The following ZNF69 variants were observed in gnomAD, a reference collection of about 807,000 sequenced individuals.
ZNF69 encodes zinc finger protein 69.
A neutral mutation model predicts 50.9 loss-of-function variants in ZNF69; 47 were observed. The observed-to-expected ratio is 0.92, with a 90% CI of 0.73 to 1.18. The LOEUF (loss-of-function observed/expected upper bound fraction) is 1.18, where lower values mean the gene tolerates loss of function less well. Ranked by LOEUF, ZNF69 falls within the 50% of genes most tolerant of loss-of-function variation. The pLI, the probability that ZNF69 is intolerant of heterozygous loss-of-function variation, is 0.00. For synonymous variants in ZNF69, 216 were observed against 223.1 expected (o/e 0.97, Z 0.29); for missense variants, 717 against 675.1 (o/e 1.06, Z -0.69).
intron 1 of ZNF69, among the ~76,000 whole-genome samples, chr19:11,889,768 G>T (rs1977037806): frequency 6.6e-6 from 1 of 152,322 alleles, no homozygotes; most frequent in Non-Finnish European, 1.5e-5. Flanking sequence ...CTGCACCGGC[G>T]CTGGTCTCTG....
intron 1 of ZNF69, among the ~76,000 whole-genome samples, chr19:11,888,333 C>T (rs537348614): frequency 3.9e-5 from 6 of 152,344 alleles, no homozygotes; most frequent in South Asian, 2.1e-4. Context: ...GGAGGAGCAG[C>T]GGTCTGTGGG....
At chr19:11,948,600 A>G in the ZNF69 span, 1 of 1,609,140 alleles carries the variant, frequency 6.2e-7, no homozygotes, top group East Asian at 2.2e-5. Flanking sequence ...CTGGAGAGAA[A>G]CCCTATGCTT....
At chr19:11,919,609 T>C in the ZNF69 span, among the ~76,000 whole-genome samples, 173 of 152,126 alleles carry the variant, frequency 1.1e-3, 1 homozygote, top group African/African-American at 4.0e-3. Context: ...AAACTTATAC[T>C]TGCAAGCCCT....
At chr19:11,974,117 CTTTCTTTCTTT>C in the ZNF69 span, among the ~76,000 whole-genome samples, 1 of 79,636 alleles carries the variant, frequency 1.3e-5, no homozygotes, top group South Asian at 4.5e-4. Context: ...TTCTTTCTTT[CTTTCTTTCTTT>C]TCTTTCTTTC....
the ZNF69 span, chr19:11,926,541 A>C: frequency 6.5e-6 from 1 of 152,788 alleles, no homozygotes; most frequent in Admixed American, 6.5e-5. Context: ...GGCATGCACC[A>C]CTATGCCCTC....
At chr19:11,979,856 A>G in the ZNF69 span, 4 of 1,501,592 alleles carry the variant, frequency 2.7e-6, no homozygotes, top group Middle Eastern at 1.7e-4. Context: ...TCATGAAAGG[A>G]CACAAACACA....
chr19:11,968,674 G>A, the ZNF69 span, among the ~76,000 whole-genome samples: 1 of 152,130 alleles, frequency 6.6e-6, no homozygotes, highest in Non-Finnish European at 1.5e-5. Flanking sequence ...TGATAGCCAT[G>A]GAGTCTTTGT....
chr19:11,951,177 T>G, the ZNF69 span, among the ~76,000 whole-genome samples: 3 of 148,652 alleles, frequency 2.0e-5, no homozygotes, highest in Non-Finnish European at 3.0e-5. Flanking sequence ...AAGAAAGAAA[T>G]TTTACTTTTC....
At chr19:11,952,204 T>C in the ZNF69 span, among the ~76,000 whole-genome samples, 45 of 152,278 alleles carry the variant, frequency 3.0e-4, no homozygotes, top group East Asian at 7.3e-3. Flanking sequence ...GGCCTTGTGA[T>C]GAGGGGAGGT....
downstream of ZNF69, among the ~76,000 whole-genome samples, chr19:11,918,239 T>C (rs1333358503): frequency 6.6e-6 from 1 of 152,228 alleles, no homozygotes; most frequent in African/African-American, 2.4e-5. Context: ...GAATGTAACT[T>C]ATGAATTAAC....
At chr19:11,947,459 A>AT in the ZNF69 span, 5 of 1,602,514 alleles carry the variant, frequency 3.1e-6, no homozygotes, top group Non-Finnish European at 4.3e-6. Context: ...GAATCTAATA[A>AT]TTTTTTCACA....
At chr19:11,975,837 T>G in the ZNF69 span, among the ~76,000 whole-genome samples, 3 of 152,080 alleles carry the variant, frequency 2.0e-5, no homozygotes, top group African/African-American at 7.2e-5. Flanking sequence ...AAATCTATGC[T>G]TATTACACCT....
the ZNF69 span, chr19:11,950,351 G>A: frequency 1.2e-5 from 15 of 1,277,186 alleles, no homozygotes; most frequent in Middle Eastern, 3.8e-4. Context: ...AGTTCTTTTC[G>A]ATATCATGAA....
chr19:11,947,330 C>G, the ZNF69 span: 1 of 1,612,934 alleles, frequency 6.2e-7, no homozygotes, highest in African/African-American at 1.3e-5. Context: ...ATATTCCTTC[C>G]GTCAGTGCAT....
the ZNF69 span, chr19:11,925,134 G>T: frequency 6.4e-7 from 1 of 1,566,460 alleles, no homozygotes; most frequent in South Asian, 1.1e-5. Flanking sequence ...CGCGGGCGGC[G>T]GTTGGTAACC....
At chr19:11,936,992 G>A in the ZNF69 span, among the ~76,000 whole-genome samples, 1 of 152,134 alleles carries the variant, frequency 6.6e-6, no homozygotes, top group African/African-American at 2.4e-5. Flanking sequence ...AAGATCAGAT[G>A]GTTGTATATG....
At chr19:11,895,606 AGAAATATAT>A (rs1369136504) in intron 1 of ZNF69, among the ~76,000 whole-genome samples, 4 of 152,196 alleles carry the variant, frequency 2.6e-5, no homozygotes, top group South Asian at 2.1e-4. Flanking sequence ...CAGTCGTGTA[AGAAATATAT>A]GTGAGTTGAC....
At chr19:11,896,801 G>A (rs985167184) in intron 1 of ZNF69, among the ~76,000 whole-genome samples, 6 of 151,708 alleles carry the variant, frequency 4.0e-5, no homozygotes, top group Non-Finnish European at 8.8e-5. Context: ...CTTGTATTTC[G>A]GTTTTTAGAA....
chr19:11,905,845 G>T lies in ZNF69; in HGVS notation c.1448G>T (p.Cys483Phe). Residue 483 changes from cysteine (C) to phenylalanine (F), a missense_variant, in exon 4 of 4, where the codon TGT (cysteine) becomes TTT (phenylalanine). Cys to Phe is a radical substitution (Grantham distance 205). Transcript: ENST00000429654. ...SGERPYKCKL[C>F]GKGFYCPKSL... ...GAAAGACCTTATAAATGTAAGCTAT[G>T]TGGGAAAGGCTTTTATTGTCCCAAA... 6.2e-7 allele frequency: 1 copy of T among 1,614,068 alleles called. No individual in the cohort carries two copies. Among genetic ancestry groups the T allele is most frequent in the Non-Finnish European group, 8.5e-7 (1 of 1,180,026 alleles).
Sources: gnomAD v4.1 joint callset for allele counts (sites outside exome capture counted in the v4.1 genomes callset) on GRCh38, gnomAD v4.1.1 for gene constraint, MANE v1.5 for transcripts, NCBI Gene and HGNC (gene_info 2026-07-23, HGNC 2026-07-21) for gene names.